Variants in ELP2 observed in about 807,000 individuals in gnomAD.
ELP2 encodes elongator acetyltransferase complex subunit 2.
Under a neutral mutation model 119.2 loss-of-function variants are expected in ELP2, and 90 were observed. The ratio of observed to expected loss-of-function variants is 0.75; its 90% CI spans 0.64 to 0.90. The LOEUF (loss-of-function observed/expected upper bound fraction) is 0.90. ELP2 is among the 40% of genes least tolerant of loss of function. The pLI is 0.00. For synonymous variants in ELP2, 339 were observed against 331.0 expected, an observed-to-expected ratio of 1.02 and a Z score of -0.26; for missense variants, 921 against 967.8, an observed-to-expected ratio of 0.95 and a Z score of 0.64.
At chr18:36,163,275 G>GGGGGGTGTGTGTGTGTGTGT (rs1555644861) in intron 17 of ELP2, among the ~76,000 whole-genome samples, 24 of 145,478 alleles carry the variant, frequency 1.6e-4, no homozygotes, top group African/African-American at 6.1e-4. Flanking sequence ...GTTCATGGGG[G>GGGGGGTGTGTGTGTGTGTGT]GTGTGTGTGT....
At chr18:36,161,107 A>G (rs774648125) in intron 17 of ELP2, 103 bp downstream of exon 17, 41 of 810,236 alleles carry the variant, frequency 5.1e-5, no homozygotes, top group Admixed American at 2.2e-4. Context: ...GTGAAAGGCC[A>G]CTAGTGCTTG....
intron 14 of ELP2, among the ~76,000 whole-genome samples, chr18:36,159,114 C>CTTTTTTTT (rs5823998): frequency 7.2e-6 from 1 of 138,552 alleles, no homozygotes. Flanking sequence ...TGTTTTTTCC[C>CTTTTTTTT]TTTTTTTTTT....
intron 8 of ELP2, among the ~76,000 whole-genome samples, chr18:36,143,582 A>G (rs952893516): frequency 2.0e-5 from 3 of 151,948 alleles, no homozygotes; most frequent in Non-Finnish European, 2.9e-5. Flanking sequence ...TTTTCTGTAA[A>G]GATAGGGTCT....
At chr18:36,135,035 A>G (rs371233917) in intron 2 of ELP2, among the ~76,000 whole-genome samples, 3 of 152,250 alleles carry the variant, frequency 2.0e-5, no homozygotes, top group African/African-American at 7.2e-5. Context: ...AATAAAAATC[A>G]TTAAATGGTA....
At position 36,178,307 on chromosome 18, in the gene ELP2, A is replaced by G. The variant is rs1253008225; in HGVS notation, c.*3666A>G. The stretch of plus-strand genomic sequence containing the variant: ...AGTACAAAGTGGGCCCTACAAAATT[A>G]TAGGGTCAGAAAACAGGTAAGTGGT... On this transcript the variant is annotated 3_prime_UTR_variant, in exon 22 of 22. Transcript: ENST00000358232. The G allele has an allele frequency of 1.3e-5, 2 of 152,226 alleles. No homozygotes were observed. Among genetic ancestry groups the G allele is most frequent in the East Asian group, 1.9e-4 (1 of 5,192 alleles). 9.4% of individuals were successfully genotyped at this position (152,226 alleles called of 1,614,324 possible).
chr18:36,139,673 TAAG>T (rs1227433604), intron 5 of ELP2: 8 of 1,422,980 alleles, frequency 5.6e-6, no homozygotes, highest in Non-Finnish European at 7.5e-6. Flanking sequence ...TGATCTAAAG[TAAG>T]AAAATCTTTG....
rs529659464 is a variant in ELP2 at position 36,138,270 on chromosome 18, C to CT, written c.293dup (p.Leu98PhefsTer10). 6.6e-5 allele frequency: 106 copies of CT among 1,613,970 alleles called. No individual in the cohort carries two copies. The African/African-American group carries it at 1.2e-3, about 18-fold the overall frequency. On this transcript the variant is annotated frameshift_variant and splice_region_variant, in exon 4 of 22. Coordinates refer to ENST00000358232, the MANE Select transcript of ELP2 (RefSeq NM_018255.4). LOFTEE classifies it high-confidence loss of function. ...GCTTCTGTCATTCTTTCTGATTCAG[C>CT]TTTTAAAAGCAGTGCATCTTCAAGG...
intron 6 of ELP2, 150 bp from the exon 7 acceptor site, chr18:36,142,129 TCA>T: frequency 1.4e-6 from 1 of 696,004 alleles, no homozygotes; most frequent in Admixed American, 2.1e-5. Flanking sequence ...GATGGGTTTT[TCA>T]TTCCCAAAGG....
At chr18:36,133,461 A>G (rs1893452080) in intron 2 of ELP2, 145 bp downstream of exon 2, 1 of 705,954 alleles carries the variant, frequency 1.4e-6, no homozygotes, top group South Asian at 1.5e-5. Flanking sequence ...TGGTATTCCC[A>G]GTGAAATATC....
At chr18:36,148,848 C>T (rs1446967934) in intron 11 of ELP2, among the ~76,000 whole-genome samples, 1 of 152,142 alleles carries the variant, frequency 6.6e-6, no homozygotes, top group East Asian at 1.9e-4. Context: ...TGCATTCCAG[C>T]CTGGGTGATA....
At chr18:36,147,060 C>T (rs2090230100) in intron 11 of ELP2, among the ~76,000 whole-genome samples, 2 of 150,120 alleles carry the variant, frequency 1.3e-5, no homozygotes, top group African/African-American at 4.9e-5. Context: ...TCTCAGGTTC[C>T]TCATTTGTAA....
Position 36,177,079 on chromosome 18 carries a change from A to C in ELP2, c.*2438A>C, listed in dbSNP as rs921591474. On this transcript the variant is annotated 3_prime_UTR_variant, in exon 22 of 22. Coordinates refer to ENST00000358232, the MANE Select transcript of ELP2 (RefSeq NM_018255.4). ...ACGCTGGTCATTGATATGTATACTGACATGTTTGAGGGAAGTTACTGTGGT... is the reference window on the plus strand; with the variant it reads ...ACGCTGGTCATTGATATGTATACTGCCATGTTTGAGGGAAGTTACTGTGGT... 2.0e-5 allele frequency: 3 copies of C among 152,202 alleles called. No individual in the cohort carries two copies. The highest frequency in any genetic ancestry group is 2.0e-4 in the Admixed American group (3 of 15,278). 9.4% of individuals were successfully genotyped at this position (152,202 alleles called of 1,614,324 possible).
At position 36,146,315 on chromosome 18, in the gene ELP2, C is replaced by A. The variant is rs1038589465; in HGVS notation, c.1059C>A (p.Gly353=). The change falls in exon 11 of 22, where the codon GGC becomes GGA. Residue 353 remains glycine, a synonymous_variant. Coordinates refer to ENST00000358232, the MANE Select transcript of ELP2 (RefSeq NM_018255.4). ...ATGATTGCCAGTTCAATGAAGATGG[C>A]TCCATGATCATTGCTCATGCTTTCC... ...GFYDCQFNED[G]SMIIAHAFHG... The A allele has an allele frequency of 3.7e-6, 6 of 1,613,720 alleles. No individual in the cohort carries two copies. The highest frequency in any genetic ancestry group is 1.6e-4 in the Middle Eastern group (1 of 6,062).
Position 36,156,657 on chromosome 18 carries a change from G to A in ELP2, c.1464+3G>A. On this transcript the variant is annotated splice_donor_region_variant and intron_variant, in intron 13 of 21. Coordinates refer to ENST00000358232, the MANE Select transcript of ELP2 (RefSeq NM_018255.4). The stretch of plus-strand genomic sequence containing the variant: ...CACTGAATCATGTGCTCTGTAATGT[G>A]AGTATTTCTCTAAATATTTTACCTA... 4 of 1,612,694 alleles carry A rather than the reference G, an allele frequency of 2.5e-6. No homozygotes were observed. Among genetic ancestry groups the A allele is most frequent in the Non-Finnish European group, 3.4e-6 (4 of 1,178,854 alleles).
chr18:36,130,059 C>G lies in ELP2; in HGVS notation c.126C>G (p.Leu42=), dbSNP rs903402327. Residue 42 remains leucine, a synonymous_variant, in exon 1 of 22, where the codon CTC becomes CTG. Coordinates refer to ENST00000358232, the MANE Select transcript of ELP2 (RefSeq NM_018255.4). ...TTGGCACGTCCTGCTCCGTGGTGCT[C>G]TATGACCCCCTGGTAAGAGAGGTCG... ...LAFGTSCSVV[L]YDPLKRVVVT... is the part of the protein sequence containing the mutation. The G allele has an allele frequency of 1.9e-6, 3 of 1,614,066 alleles. No individual in the cohort carries two copies. Among genetic ancestry groups the G allele is most frequent in the Non-Finnish European group, 2.5e-6 (3 of 1,180,032 alleles).
intron 4 of ELP2, 47 bp downstream of exon 4, chr18:36,138,473 C>G (rs1395001631): frequency 1.9e-6 from 3 of 1,585,524 alleles, no homozygotes; most frequent in Non-Finnish European, 2.6e-6. Context: ...TAATATTTAA[C>G]AAATGAATGA....
chr18:36,173,172 T>C (rs1379399826), intron 21 of ELP2, among the ~76,000 whole-genome samples: 1 of 152,240 alleles, frequency 6.6e-6, no homozygotes, highest in Non-Finnish European at 1.5e-5. Context: ...TATGTTTATT[T>C]CCGTGATTTC....
rs1301326364 is a variant in ELP2 at position 36,170,166 on chromosome 18, G to T, written c.2180G>T (p.Ser727Ile). Reference protein sequence around the residue: ...LDVGGAVTAVSVCPVLHPSQR... With the variant: ...LDVGGAVTAVIVCPVLHPSQR... ...GTGGGTGGGGCTGTGACAGCTGTCA[G>T]CGTCTGCCCAGTGCTCCACCCTTCT... Residue 727 changes from serine to isoleucine, a missense_variant, in exon 20 of 22, where the codon AGC (serine) becomes ATC (isoleucine). Ser to Ile is a moderately radical substitution (Grantham distance 142). Transcript: ENST00000358232. 1.9e-6 allele frequency: 3 copies of T among 1,614,148 alleles called. No individual in the cohort carries two copies. Among genetic ancestry groups the T allele is most frequent in the Non-Finnish European group, 2.5e-6 (3 of 1,180,038 alleles).
chr18:36,139,834 A>G, intron 5 of ELP2: 1 of 312,388 alleles, frequency 3.2e-6, no homozygotes, highest in Admixed American at 4.7e-5. Context: ...GCTTTTTAAA[A>G]TTTTAAAATT....
Sources: gnomAD v4.1 joint callset for allele counts (sites outside exome capture counted in the v4.1 genomes callset) on GRCh38, gnomAD v4.1.1 for gene constraint, MANE v1.5 for transcripts, NCBI Gene and HGNC (gene_info 2026-07-23, HGNC 2026-07-21) for gene names.